The following CPD variants were observed in gnomAD, a reference collection of about 807,000 sequenced individuals.
CPD encodes metallocarboxypeptidase D.
Under a neutral mutation model 138.3 loss-of-function variants are expected in CPD, and 69 were observed. The ratio of observed to expected loss-of-function variants is 0.50; its 90% CI spans 0.41 to 0.61. The LOEUF (loss-of-function observed/expected upper bound fraction) is 0.61, where lower values mean the gene tolerates loss of function less well. Among genes scored for constraint, CPD ranks in the 20% least tolerant of loss-of-function variants. The probability of loss-of-function intolerance (pLI) is 0.00; values close to 1 mark genes in which losing one functional copy is unlikely to be tolerated. For synonymous variants in CPD, 651 were observed against 642.1 expected, an observed-to-expected ratio of 1.01 and a Z score of -0.21; for missense variants, 1,432 against 1,733.3, an observed-to-expected ratio of 0.83 and a Z score of 3.09.
rs776209352 is a variant in CPD, at chr17:30,461,968, A to G, written c.3722A>G (p.Gln1241Arg). Residue 1241 changes from glutamine to arginine, a missense_variant, in exon 19 of 21, where the codon CAA (glutamine) becomes CGA (arginine). By Grantham distance (43) the Gln-to-Arg change is conservative. Around this residue, in one of 6 missense-constraint regions of CPD, gnomAD observed 366 missense variants for 518.8 expected, o/e 0.71. Coordinates refer to ENST00000225719, the MANE Select transcript of CPD (RefSeq NM_001304.5). ...VIVLNEGIKVQTKEGGYFHVL... is the reference protein window; with the variant it reads ...VIVLNEGIKVRTKEGGYFHVL... ...GTACTTAATGAAGGAATAAAGGTAC[A>G]AACAAAAGAGGGAGGTTATTTCCAT... 1.1e-5 allele frequency: 17 copies of G among 1,613,906 alleles called. No homozygotes were observed. In the East Asian group the frequency reaches 3.3e-4, roughly 32 times the overall value.
intron 15 of CPD, 183 bp from the exon 16 acceptor site, chr17:30,456,073 G>A (rs973611349): frequency 1.7e-6 from 1 of 572,082 alleles, no homozygotes; most frequent in South Asian, 2.2e-5. Flanking sequence ...ATGTAAAGAG[G>A]ATGTTTGTCT....
rs554366667 is a variant in CPD at position 30,456,006 on chromosome 17, C to T, written c.3338-250C>T. On this transcript the variant is annotated intron_variant, in intron 15 of 20. Coordinates refer to ENST00000225719, the MANE Select transcript of CPD (RefSeq NM_001304.5). ...CAAAATGCAGTAAGACATACCAAAA[C>T]AAGTTTGTATTTTAGTGTGATAGTC... is the stretch of plus-strand genomic sequence containing the variant. 334 of 448,088 alleles carry T rather than the reference C, an allele frequency of 7.5e-4. 1 individual carries two copies. The highest frequency in any genetic ancestry group is 5.9e-3 in the African/African-American group (293 of 49,930). The allele number at this position is 448,088 out of a possible 1,614,324, so 27.8% of individuals were successfully genotyped here. A position where few individuals can be genotyped will look rare whatever the true frequency, so the allele number is the denominator to read the frequency against.
chr17:30,421,709 T>C lies in CPD; in HGVS notation c.1183T>C (p.Ser395Pro). 6.2e-7 allele frequency: 1 copy of C among 1,613,794 alleles called. No homozygotes were observed. Among genetic ancestry groups the C allele is most frequent in the African/African-American group, 1.3e-5 (1 of 75,020 alleles). ...ATTTGTTAAAGATTCCATAACAGGA[T>C]CTGGGTTAGAGAATGCAACCATCTC... The part of the protein sequence containing the change: ...KGFVKDSITG[S>P]GLENATISVA... The change falls in exon 4 of 21, where the codon TCT becomes CCT. Residue 395 changes from serine to proline, a missense_variant. Ser to Pro is a moderately conservative substitution (Grantham distance 74, BLOSUM62 -1). Coordinates refer to ENST00000225719, the MANE Select transcript of CPD (RefSeq NM_001304.5).
At chr17:30,401,818 T>A (rs1283441930) in intron 2 of CPD, among the ~76,000 whole-genome samples, 1 of 152,122 alleles carries the variant, frequency 6.6e-6, no homozygotes, top group Non-Finnish European at 1.5e-5. Flanking sequence ...TTCAGCAGTT[T>A]GATTATAAAA....
At position 30,466,860 on chromosome 17, in the gene CPD, AAAATTTTTAAAG is replaced by A. The variant is rs1913655580; in HGVS notation, c.*2051_*2062del. 1 of 152,344 alleles carries A rather than the reference AAAATTTTTAAAG, an allele frequency of 6.6e-6. No homozygotes were observed. The highest frequency in any genetic ancestry group is 6.5e-5 in the Admixed American group (1 of 15,288). The allele number at this position is 152,344 out of a possible 1,614,324, so 9.4% of individuals were successfully genotyped here. A position where few individuals can be genotyped will look rare whatever the true frequency, so the allele number is the denominator to read the frequency against. On this transcript the variant is annotated 3_prime_UTR_variant, in exon 21 of 21. Coordinates refer to ENST00000225719, the MANE Select transcript of CPD (RefSeq NM_001304.5). ...GAGGCCATGCCTTTTAAGCATGTGT[AAAATTTTTAAAG>A]AAATGAACATACACATAGTTATTTT... is the stretch of plus-strand genomic sequence containing the variant.
chr17:30,427,489 C>T lies in CPD; in HGVS notation c.1948C>T (p.Pro650Ser), dbSNP rs1330476582. Residue 650 changes from proline to serine, a missense_variant, in exon 7 of 21, where the codon CCA (proline) becomes TCA (serine). This residue lies in a region of CPD where 297 missense variants were observed against 405.3 expected (regional missense o/e 0.73). Coordinates refer to ENST00000225719, the MANE Select transcript of CPD (RefSeq NM_001304.5). ...QFVQITDPTQ[P>S]ETIAVMSWMK... ...TGTTCAGATCACAGATCCTACGCAACCAGAAACTATTGCTGTAATGAGCTG... is the reference window on the plus strand; with the variant it reads ...TGTTCAGATCACAGATCCTACGCAATCAGAAACTATTGCTGTAATGAGCTG... 6.2e-7 allele frequency: 1 copy of T among 1,614,104 alleles called. No homozygotes were observed. The highest frequency in any genetic ancestry group is 8.5e-7 in the Non-Finnish European group (1 of 1,180,000).
At chr17:30,381,704 TTATG>T (rs552948265) in intron 1 of CPD, among the ~76,000 whole-genome samples, 154 of 152,330 alleles carry the variant, frequency 1.0e-3, no homozygotes, top group African/African-American at 3.5e-3. Flanking sequence ...AGTGTCAACT[TTATG>T]GATGGGATAT....
chr17:30,395,770 A>T (rs908282040), intron 2 of CPD, among the ~76,000 whole-genome samples: 3 of 151,864 alleles, frequency 2.0e-5, no homozygotes, highest in African/African-American at 7.3e-5. Flanking sequence ...TATGTGGGAG[A>T]CAGTGTTAAC....
rs201346549 is a variant in CPD at position 30,461,252 on chromosome 17, G to T, written c.3571G>T (p.Ala1191Ser). The T allele has an allele frequency of 6.2e-6, 10 of 1,612,122 alleles. No homozygotes were observed. Among genetic ancestry groups the T allele is most frequent in the Non-Finnish European group, 7.6e-6 (9 of 1,179,104 alleles). ...AAGCTGCTGTTACTTTCCTAGTGCT[G>T]CACGACTCCCTTCCTTGTGGGCAGA... ...YTSCCYFPSAARLPSLWADNK... is the reference protein window; with the variant it reads ...YTSCCYFPSASRLPSLWADNK... Residue 1191 changes from alanine to serine, a missense_variant, in exon 18 of 21, where the codon GCA (alanine) becomes TCA (serine). Physicochemically the swap from Ala to Ser is moderately conservative, Grantham distance 99. Transcript: ENST00000225719.
intron 2 of CPD, among the ~76,000 whole-genome samples, chr17:30,394,672 C>T (rs2143331067): frequency 6.6e-6 from 1 of 152,134 alleles, no homozygotes; most frequent in East Asian, 1.9e-4. Context: ...AGGGCTTTAC[C>T]TAGAGGGCAT....
intron 8 of CPD, among the ~76,000 whole-genome samples, chr17:30,432,360 G>A (rs1912586441): frequency 6.6e-6 from 1 of 152,188 alleles, no homozygotes; most frequent in African/African-American, 2.4e-5. Context: ...GGAAAATCCA[G>A]TGATCAAAGG....
intron 2 of CPD, among the ~76,000 whole-genome samples, chr17:30,390,484 G>A (rs796580348): frequency 5.9e-5 from 9 of 152,284 alleles, no homozygotes; most frequent in African/African-American, 1.9e-4. Flanking sequence ...TATTAATATA[G>A]CAAATATTTA....
intron 2 of CPD, among the ~76,000 whole-genome samples, chr17:30,401,360 TTCC>T (rs1379845237): frequency 2.6e-5 from 4 of 151,384 alleles, no homozygotes; most frequent in East Asian, 1.9e-4. Context: ...CTTCCTCTTC[TTCC>T]TCCTCTTCCT....
In CPD at chr17:30,422,836, A is replaced by T. The variant is rs141947353; in HGVS notation, c.1470A>T (p.Ser490=). The T allele has an allele frequency of 8.1e-4, 1,315 of 1,613,956 alleles. 1 individual carries two copies. Among genetic ancestry groups the T allele is most frequent in the Non-Finnish European group, 1.1e-3 (1,250 of 1,179,984 alleles). Residue 490 remains serine, a synonymous_variant, in exon 5 of 21, where the codon TCA becomes TCT. Transcript: ENST00000225719. ...VAIPNILSGT[S]SSYQPIQPKD... ...TACCTAATATTCTTTCTGGAACATC[A>T]TCCTCCTACCAGCCAATTCAGCCAA...
chr17:30,405,959 G>A (rs1911790972), intron 2 of CPD, among the ~76,000 whole-genome samples: 1 of 151,854 alleles, frequency 6.6e-6, no homozygotes, highest in Admixed American at 6.6e-5. Context: ...TCCCTCAGTA[G>A]CATTTTATAA....
Position 30,445,920 on chromosome 17 carries a change from A to G in CPD, c.2773A>G (p.Asn925Asp). The G allele has an allele frequency of 6.2e-7, 1 of 1,614,088 alleles. No homozygotes were observed. The highest frequency in any genetic ancestry group is 8.5e-7 in the Non-Finnish European group (1 of 1,179,986). The change falls in exon 12 of 21, where the codon AAT (asparagine) becomes GAT (aspartate). Residue 925 changes from asparagine to aspartate, a missense_variant. Physicochemically the swap from Asn to Asp is conservative, Grantham distance 23. Coordinates refer to ENST00000225719, the MANE Select transcript of CPD (RefSeq NM_001304.5). ...LESLMLRSSS[N>D]LALALYRYHS... The stretch of plus-strand genomic sequence containing the variant: ...AAGCCTCATGTTACGCTCCTCCTCA[A>G]ATCTGGCTCTGGCTCTTTATCGATA...
Position 30,423,525 on chromosome 17 carries a change from C to A in CPD, c.1677C>A (p.Tyr559Ter). Residue 559 changes from tyrosine (Y) to a stop codon, truncating the protein, a stop_gained, in exon 6 of 21, where the codon TAC (tyrosine) becomes TAA (stop). Coordinates refer to ENST00000225719, the MANE Select transcript of CPD (RefSeq NM_001304.5). LOFTEE classifies it high-confidence loss of function. ...TTTCAGGTGAACCAGAATTTAAGTA[C>A]ATTGGAAATATGCATGGAAATGAAG... is the stretch of plus-strand genomic sequence containing the variant. ...VHEPGEPEFK[Y>*]IGNMHGNEVV... The A allele has an allele frequency of 6.3e-7, 1 of 1,575,774 alleles. No individual in the cohort carries two copies.
intron 7 of CPD, among the ~76,000 whole-genome samples, chr17:30,429,422 T>G (rs1023228785): frequency 1.3e-5 from 2 of 152,186 alleles, no homozygotes; most frequent in Admixed American, 1.3e-4. Flanking sequence ...TTTCTTTCCA[T>G]GACATATTTT....
At chr17:30,443,316 A>G (rs1424576741) in intron 10 of CPD, among the ~76,000 whole-genome samples, 1 of 152,164 alleles carries the variant, frequency 6.6e-6, no homozygotes, top group African/African-American at 2.4e-5. Flanking sequence ...AATTAACAGT[A>G]ATTCCCTAAT....
Sources: allele counts gnomAD v4.1 joint callset (sites outside exome capture counted in the v4.1 genomes callset), GRCh38; gene constraint gnomAD v4.1.1; regional missense constraint gnomAD v4.1.1; transcripts MANE v1.5; gene names NCBI Gene and HGNC (gene_info 2026-07-23, HGNC 2026-07-21).